TMEM209: variants seen among roughly 807,000 people sequenced by gnomAD.
TMEM209 encodes the protein transmembrane protein 209, also known as testicular tissue protein Li 202.
TMEM209 carries 65 observed loss-of-function variants against 76.2 expected under a neutral mutation model. That is an observed-to-expected ratio of 0.85 (90% CI 0.70 to 1.05). The LOEUF (loss-of-function observed/expected upper bound fraction) is 1.05. TMEM209 is among the 50% of genes least tolerant of loss of function. The probability of loss-of-function intolerance (pLI) is 0.00; values close to 1 mark genes in which losing one functional copy is unlikely to be tolerated. For missense variants in TMEM209, 623 were observed against 685.5 expected, an observed-to-expected ratio of 0.91 and a Z score of 1.02; for synonymous variants, 239 against 237.6, an observed-to-expected ratio of 1.01 and a Z score of -0.06.
At chr7:130,200,779 C>A (rs1195130246) in intron 5 of TMEM209, among the ~76,000 whole-genome samples, 2 of 151,900 alleles carry the variant, frequency 1.3e-5, no homozygotes. Flanking sequence ...CTATTACCTG[C>A]CAAAATTAAT....
rs549714425 is a variant in TMEM209, at chr7:130,190,321, C to A, written c.775+2301G>T. ...TCACCTGAGGTCAGGAGTTTGAGAC[C>A]AGCCTGGCCAACAAGGGGAAACCCT... On this transcript the variant is annotated intron_variant, in intron 6 of 14. Transcript: ENST00000397622. Among the ~76,000 whole-genome samples the A allele has an allele frequency of 6.6e-5, 10 of 152,126 alleles. No individual in the cohort carries two copies. The East Asian group carries it at 1.9e-3, about 29-fold the overall frequency.
chr7:130,190,963 C>T (rs1172191086), intron 6 of TMEM209, among the ~76,000 whole-genome samples: 1 of 148,436 alleles, frequency 6.7e-6, no homozygotes, highest in Non-Finnish European at 1.5e-5. Context: ...ACCACTGCAA[C>T]AGTGAGACCT....
chr7:130,189,465 G>A (rs1272332967), intron 6 of TMEM209, among the ~76,000 whole-genome samples: 1 of 152,132 alleles, frequency 6.6e-6, no homozygotes, highest in Non-Finnish European at 1.5e-5. Context: ...CCAAAGTGCT[G>A]GGATTACAAG....
At chr7:130,200,399 G>C (rs546389990) in intron 5 of TMEM209, among the ~76,000 whole-genome samples, 1 of 152,234 alleles carries the variant, frequency 6.6e-6, no homozygotes, top group South Asian at 2.1e-4. Flanking sequence ...CTACATTTCT[G>C]TGACAATGTA....
chr7:130,178,551 C>T lies in TMEM209; in HGVS notation c.1121-24G>A, dbSNP rs190249860. 453 of 1,611,010 alleles carry T rather than the reference C, an allele frequency of 2.8e-4. 3 individuals are homozygous for T. In the African/African-American group the frequency reaches 4.7e-3, roughly 17 times the overall value. On this transcript the variant is annotated intron_variant, in intron 9 of 14. Coordinates refer to ENST00000397622, the MANE Select transcript of TMEM209 (RefSeq NM_032842.4). ...CTCTGTTAACATAAAACACAGAGAA[C>T]ACTGATTATTCTAAAAGTGAGTTTC...
At chr7:130,180,237 T>C (rs935837198) in intron 9 of TMEM209, among the ~76,000 whole-genome samples, 9 of 152,202 alleles carry the variant, frequency 5.9e-5, no homozygotes, top group African/African-American at 2.2e-4. Flanking sequence ...ATAGTCTTTA[T>C]GCTTTATACA....
intron 6 of TMEM209, among the ~76,000 whole-genome samples, chr7:130,191,923 C>A (rs1758646566): frequency 6.6e-6 from 1 of 152,062 alleles, no homozygotes; most frequent in Non-Finnish European, 1.5e-5. Flanking sequence ...CACTTTCAGG[C>A]AAAATGAAAT....
intron 6 of TMEM209, among the ~76,000 whole-genome samples, chr7:130,189,239 C>T (rs939891698): frequency 6.6e-6 from 1 of 152,146 alleles, no homozygotes; most frequent in African/African-American, 2.4e-5. Flanking sequence ...CTCTGTCACC[C>T]AGGCTGGAGT....
chr7:130,204,851 C>T (rs1453147609), intron 1 of TMEM209: 4 of 771,282 alleles, frequency 5.2e-6, no homozygotes, highest in Non-Finnish European at 6.4e-6. Context: ...GTTGTACATC[C>T]TCATGCAGAC....
At chr7:130,192,877 G>A in intron 5 of TMEM209, 54 bp from the exon 6 acceptor site, 1 of 1,558,248 alleles carries the variant, frequency 6.4e-7, no homozygotes, top group Non-Finnish European at 8.7e-7. Context: ...AATTCATTTT[G>A]TTTTGGTTTT....
At chr7:130,189,283 G>A (rs1479993237) in intron 6 of TMEM209, among the ~76,000 whole-genome samples, 2 of 150,876 alleles carry the variant, frequency 1.3e-5, no homozygotes, top group East Asian at 3.9e-4. Context: ...TGCAACCTCC[G>A]CCTCCCGGAT....
At chr7:130,176,919 G>A (rs1399478531) in intron 10 of TMEM209, among the ~76,000 whole-genome samples, 4 of 151,420 alleles carry the variant, frequency 2.6e-5, no homozygotes, top group Non-Finnish European at 5.9e-5. Context: ...TTGGGAGGCT[G>A]AGGAGGGAGG....
chr7:130,194,230 G>A (rs1797895698), intron 5 of TMEM209, among the ~76,000 whole-genome samples: 1 of 151,310 alleles, frequency 6.6e-6, no homozygotes, highest in Admixed American at 6.6e-5. Context: ...ACCACTGTGA[G>A]GGGGTATACT....
intron 1 of TMEM209, chr7:130,204,902 C>T (rs1798380750): frequency 1.9e-6 from 2 of 1,036,482 alleles, no homozygotes; most frequent in Non-Finnish European, 2.3e-6. Context: ...GACAGCTGTA[C>T]TCCAGGGCTC....
chr7:130,177,014 A>G (rs1797257872), intron 10 of TMEM209, among the ~76,000 whole-genome samples: 1 of 132,120 alleles, frequency 7.6e-6, no homozygotes, highest in Non-Finnish European at 1.6e-5. Context: ...TGGGTGACAG[A>G]GCGAGCCGGG....
At chr7:130,185,066 A>C (rs899983569) in intron 7 of TMEM209, 126 bp downstream of exon 7, 27 of 1,125,978 alleles carry the variant, frequency 2.4e-5, no homozygotes, top group Non-Finnish European at 3.3e-5. Context: ...CCCACTGCCT[A>C]ATGTGTGCCA....
intron 9 of TMEM209, among the ~76,000 whole-genome samples, chr7:130,178,887 T>G (rs1319263880): frequency 6.6e-6 from 1 of 152,062 alleles, no homozygotes; most frequent in African/African-American, 2.4e-5. Context: ...GCAATCCTCC[T>G]CCCACCTCAG....
At position 130,175,554 on chromosome 7, in the gene TMEM209, G is replaced by GA; in HGVS notation, c.1301dup (p.Lys435GlnfsTer25). 6.2e-7 allele frequency: 1 copy of GA among 1,613,336 alleles called. No homozygotes were observed. The highest frequency in any genetic ancestry group is 8.5e-7 in the Non-Finnish European group (1 of 1,179,716). On this transcript the variant is annotated frameshift_variant, in exon 11 of 15. Coordinates refer to ENST00000397622, the MANE Select transcript of TMEM209 (RefSeq NM_032842.4). LOFTEE classifies it high-confidence loss of function. ...GGTCTGTATCCCACTTTCGTCCTTT[G>GA]AAGTCGCCACCTCTGTTCCATCGAA...
At chr7:130,167,433 T>C (rs1477056579) in intron 14 of TMEM209, among the ~76,000 whole-genome samples, 1 of 152,188 alleles carries the variant, frequency 6.6e-6, no homozygotes, top group Non-Finnish European at 1.5e-5. Flanking sequence ...TACATGAGTC[T>C]AAGCATCTTT....
Sources: allele counts gnomAD v4.1 joint callset (sites outside exome capture counted in the v4.1 genomes callset), GRCh38; gene constraint gnomAD v4.1.1; transcripts MANE v1.5; gene names NCBI Gene and HGNC (gene_info 2026-07-23, HGNC 2026-07-21).